Variants in SLC8A1 observed in about 807,000 individuals in gnomAD.
The protein encoded by SLC8A1 is solute carrier family 8 member A1, also known as sodium/calcium exchanger 1.
Under a neutral mutation model 68.3 loss-of-function variants are expected in SLC8A1, and 18 were observed. That is an observed-to-expected ratio of 0.26 (90% CI 0.18 to 0.39). SLC8A1 has a LOEUF of 0.39. SLC8A1 is among the 10% of genes least tolerant of loss of function. The probability of loss-of-function intolerance (pLI) is 1.00; values close to 1 mark genes in which losing one functional copy is unlikely to be tolerated. For missense variants in SLC8A1, 985 were observed against 1,156.7 expected (o/e 0.85, Z 2.15); for synonymous variants, 475 against 415.5 (o/e 1.14, Z -1.74).
At chr2:40,404,518 G>A (rs1300645659) in intron 2 of SLC8A1, among the ~76,000 whole-genome samples, 1 of 152,130 alleles carries the variant, frequency 6.6e-6, no homozygotes, top group Non-Finnish European at 1.5e-5. Flanking sequence ...TATCCCAAGA[G>A]TTTGTGCATG....
intron 2 of SLC8A1, among the ~76,000 whole-genome samples, chr2:40,344,804 C>T (rs1262714496): frequency 3.3e-5 from 5 of 152,102 alleles, no homozygotes; most frequent in African/African-American, 4.8e-5. Context: ...ATCTGAATTC[C>T]CAGACTAATC....
chr2:40,509,260 CCAATGATTG>C (rs1706556492), intron 1 of SLC8A1, among the ~76,000 whole-genome samples: 2 of 152,084 alleles, frequency 1.3e-5, no homozygotes, highest in South Asian at 4.1e-4. Context: ...CCTTCACCTT[CCAATGATTG>C]AAGGTGGAGA....
chr2:40,253,187 A>C (rs962035275), intron 2 of SLC8A1, among the ~76,000 whole-genome samples: 48 of 139,990 alleles, frequency 3.4e-4, no homozygotes, highest in Admixed American at 1.7e-3. Context: ...ATATACATAT[A>C]TACACGTATA....
intron 7 of SLC8A1, among the ~76,000 whole-genome samples, chr2:40,138,569 TG>T (rs2148276957): frequency 6.6e-6 from 1 of 152,330 alleles, no homozygotes; most frequent in Admixed American, 6.5e-5. Flanking sequence ...CAATAAGCTC[TG>T]GTGTGTACCA....
rs1485802866 is a variant in SLC8A1 at position 40,449,136 on chromosome 2, G to A, written c.-25+2768C>T. Among the ~76,000 whole-genome samples, 3 of 146,514 alleles carry A rather than the reference G, an allele frequency of 2.0e-5. No individual in the cohort carries two copies. The East Asian group carries it at 6.0e-4, about 30-fold the overall frequency. On this transcript the variant is annotated intron_variant, in intron 1 of 7. Transcript: ENST00000406785. ...TCACAAAGAAAGAACTTGTCTCACT[G>A]AATTGCAACATTAAAAAAAAAAAAC...
At chr2:40,419,048 G>T (rs1694735377) in intron 2 of SLC8A1, among the ~76,000 whole-genome samples, 2 of 152,212 alleles carry the variant, frequency 1.3e-5, no homozygotes, top group Non-Finnish European at 2.9e-5. Flanking sequence ...ACTGTTGTAG[G>T]ACTGAACATT....
intron 2 of SLC8A1, among the ~76,000 whole-genome samples, chr2:40,334,922 C>T (rs1559289654): frequency 6.6e-6 from 1 of 152,186 alleles, no homozygotes; most frequent in South Asian, 2.1e-4. Flanking sequence ...TTCATGTCAC[C>T]TACCACTGTC....
intron 2 of SLC8A1, among the ~76,000 whole-genome samples, chr2:40,375,962 C>T (rs1679729593): frequency 6.6e-6 from 1 of 152,122 alleles, no homozygotes; most frequent in East Asian, 1.9e-4. Flanking sequence ...GACAGCACCA[C>T]TACACTCCAG....
chr2:40,398,740 T>A (rs1258264760), intron 2 of SLC8A1, among the ~76,000 whole-genome samples: 2 of 152,216 alleles, frequency 1.3e-5, no homozygotes, highest in Non-Finnish European at 2.9e-5. Flanking sequence ...TTCATAACCA[T>A]CCCCATATTG....
upstream of SLC8A1, among the ~76,000 whole-genome samples, chr2:40,454,143 C>T (rs1251313140): frequency 6.6e-6 from 1 of 152,126 alleles, no homozygotes; most frequent in East Asian, 1.9e-4. Context: ...GTGTGAGTAG[C>T]AGATATTTGG....
intron 2 of SLC8A1, among the ~76,000 whole-genome samples, chr2:40,333,992 G>A (rs1294454809): frequency 6.6e-6 from 1 of 152,150 alleles, no homozygotes; most frequent in Non-Finnish European, 1.5e-5. Context: ...AGGTTGCAGT[G>A]AGCCGAGATG....
chr2:40,103,315 T>C (rs2034008777), exon 8 of SLC8A1: 1 of 152,198 alleles, frequency 6.6e-6, no homozygotes, highest in African/African-American at 2.4e-5. Context: ...AATTTCATTT[T>C]GCTAATGAGG....
intron 1 of SLC8A1, among the ~76,000 whole-genome samples, chr2:40,443,469 CTT>C (rs1286814219): frequency 6.6e-6 from 1 of 152,252 alleles, no homozygotes; most frequent in Non-Finnish European, 1.5e-5. Flanking sequence ...TAGGTGGACA[CTT>C]TTGTAATTAC....
chr2:40,147,547 C>T (rs970672908), intron 6 of SLC8A1, among the ~76,000 whole-genome samples: 1 of 152,114 alleles, frequency 6.6e-6, no homozygotes, highest in Non-Finnish European at 1.5e-5. Flanking sequence ...AGTATGTGGG[C>T]ACACCAGGTT....
exon 8 of SLC8A1, chr2:40,109,286 T>C (rs1010392968): frequency 2.0e-5 from 3 of 152,252 alleles, no homozygotes; most frequent in Non-Finnish European, 2.9e-5. Context: ...CTGTTACGTT[T>C]TTCTATGTTT....
At chr2:40,273,034 C>A (rs1053081935) in intron 2 of SLC8A1, among the ~76,000 whole-genome samples, 6 of 152,184 alleles carry the variant, frequency 3.9e-5, no homozygotes, top group African/African-American at 7.2e-5. Flanking sequence ...CCTCCACCTC[C>A]CAGGTTCAAG....
In SLC8A1 at chr2:40,388,970, G is replaced by T. The variant is rs546325297; in HGVS notation, c.1808+39503C>A. 2.6e-5 allele frequency among the ~76,000 whole-genome samples: 4 copies of T among 152,194 alleles called. No individual in the cohort carries two copies. In the East Asian group the frequency reaches 7.7e-4, roughly 29 times the overall value. ...ATAACATAATGAAGCTAAAGTTTAG[G>T]AAACGTAAGTGTTCACCTATCACAC... On this transcript the variant is annotated intron_variant, in intron 2 of 7. Coordinates refer to ENST00000406785, the Ensembl canonical transcript of SLC8A1.
At chr2:40,472,188 G>A (rs182171883) in intron 1 of SLC8A1, among the ~76,000 whole-genome samples, 4 of 152,114 alleles carry the variant, frequency 2.6e-5, no homozygotes, top group Admixed American at 6.6e-5. Context: ...ACTTACACAC[G>A]CATATTGTGG....
chr2:40,373,065 A>C (rs1678670871), intron 2 of SLC8A1, among the ~76,000 whole-genome samples: 1 of 152,072 alleles, frequency 6.6e-6, no homozygotes, highest in African/African-American at 2.4e-5. Context: ...TCCTAGCCAT[A>C]AATTGAAGAA....
Sources: gnomAD v4.1 joint callset for allele counts (sites outside exome capture counted in the v4.1 genomes callset) on GRCh38, gnomAD v4.1.1 for gene constraint, MANE v1.5 for transcripts, NCBI Gene and HGNC (gene_info 2026-07-23, HGNC 2026-07-21) for gene names.